PCSK5: variants seen among roughly 807,000 people sequenced by gnomAD.
PCSK5 encodes proprotein convertase subtilisin/kexin type 5, also known as prohormone convertase 5.
PCSK5 carries 129 observed loss-of-function variants against 233.2 expected under a neutral mutation model. That is an observed-to-expected ratio of 0.55 (90% CI 0.48 to 0.64). The LOEUF (loss-of-function observed/expected upper bound fraction) is 0.64, where lower values mean the gene tolerates loss of function less well. Among genes scored for constraint, PCSK5 ranks in the 30% least tolerant of loss-of-function variants. PCSK5 has a pLI of 0.00. For synonymous variants in PCSK5, 825 were observed against 879.2 expected, an observed-to-expected ratio of 0.94 and a Z score of 1.09; for missense variants, 2,076 against 2,430.1, an observed-to-expected ratio of 0.85 and a Z score of 3.06.
chr9:75,896,715 C>CAT (rs1175790522), intron 1 of PCSK5, among the ~76,000 whole-genome samples: 1 of 144,918 alleles, frequency 6.9e-6, no homozygotes, highest in Non-Finnish European at 1.6e-5. Context: ...CACACACACA[C>CAT]ATATATACAC....
chr9:76,193,402 A>C, intron 20 of PCSK5: 1 of 1,017,646 alleles, frequency 9.8e-7, no homozygotes, highest in Non-Finnish European at 1.3e-6. Context: ...ATTATTCCAT[A>C]TTATTAAAAA....
chr9:75,929,548 G>A (rs755969139), intron 1 of PCSK5, among the ~76,000 whole-genome samples: 7 of 151,944 alleles, frequency 4.6e-5, no homozygotes, highest in African/African-American at 1.7e-4. Context: ...GCTGGAGAGG[G>A]TCCACCCTCT....
At chr9:75,965,489 G>T (rs1825544600) in intron 2 of PCSK5, among the ~76,000 whole-genome samples, 1 of 152,166 alleles carries the variant, frequency 6.6e-6, no homozygotes, top group African/African-American at 2.4e-5. Flanking sequence ...GAAGACCAGT[G>T]CCCCAGCTCA....
intron 2 of PCSK5, among the ~76,000 whole-genome samples, chr9:75,936,501 C>T (rs943417428): frequency 1.3e-5 from 2 of 152,248 alleles, no homozygotes; most frequent in African/African-American, 2.4e-5. Flanking sequence ...ACAATGTTCA[C>T]AGCATCTTCA....
chr9:76,236,223 T>C (rs144385660), intron 22 of PCSK5, among the ~76,000 whole-genome samples: 2 of 152,324 alleles, frequency 1.3e-5, no homozygotes, highest in African/African-American at 2.4e-5. Flanking sequence ...TGCACCTTTC[T>C]TTTATCCTTT....
At chr9:75,980,955 A>G (rs1438547741) in intron 2 of PCSK5, among the ~76,000 whole-genome samples, 1 of 152,144 alleles carries the variant, frequency 6.6e-6, no homozygotes, top group Non-Finnish European at 1.5e-5. Context: ...AAGATGCTCT[A>G]TTTTGTTTTC....
chr9:76,024,487 G>A (rs1391667468), intron 4 of PCSK5, among the ~76,000 whole-genome samples: 1 of 152,200 alleles, frequency 6.6e-6, no homozygotes, highest in African/African-American at 2.4e-5. Context: ...TTTGATAGGA[G>A]AATAAACTGT....
At chr9:76,033,460 C>A (rs1357189104) in intron 5 of PCSK5, among the ~76,000 whole-genome samples, 1 of 152,004 alleles carries the variant, frequency 6.6e-6, no homozygotes, top group Non-Finnish European at 1.5e-5. Context: ...TGCAAAATAA[C>A]ATCTACAGTA....
At chr9:76,319,364 A>G (rs1210786972) in intron 30 of PCSK5, among the ~76,000 whole-genome samples, 1 of 149,300 alleles carries the variant, frequency 6.7e-6, no homozygotes, top group African/African-American at 2.5e-5. Context: ...GAATAGTCAT[A>G]ATACAAATTA....
chr9:76,275,338 T>C (rs573695560), intron 24 of PCSK5, among the ~76,000 whole-genome samples: 1 of 152,290 alleles, frequency 6.6e-6, no homozygotes, highest in Admixed American at 6.5e-5. Flanking sequence ...ACCCTAACTA[T>C]AATAAGAATG....
intron 24 of PCSK5, among the ~76,000 whole-genome samples, chr9:76,255,494 C>T (rs934521700): frequency 2.0e-5 from 3 of 152,048 alleles, no homozygotes; most frequent in Non-Finnish European, 2.9e-5. Flanking sequence ...CAAACATGAC[C>T]TCTAATCTTC....
intron 7 of PCSK5, among the ~76,000 whole-genome samples, chr9:76,078,414 T>C (rs917919821): frequency 2.0e-5 from 3 of 152,216 alleles, no homozygotes; most frequent in Non-Finnish European, 4.4e-5. Context: ...CTTGAGGTCT[T>C]ACATTTAAAT....
In PCSK5 at chr9:76,197,078, A is replaced by G. The variant is rs73460319; in HGVS notation, c.2626+7332A>G. The stretch of plus-strand genomic sequence containing the variant: ...AAGACAGGAAGAGAGCGGGAAGAAC[A>G]TTACCAATGAACTTGCTCCAGTTAC... On this transcript the variant is annotated intron_variant, in intron 20 of 37. Transcript: ENST00000674117. Among the ~76,000 whole-genome samples the G allele has an allele frequency of 8.5e-3, 1,301 of 152,330 alleles. 20 individuals carry two copies. Among genetic ancestry groups the G allele is most frequent in the African/African-American group, 0.03 (1,262 of 41,568 alleles).
At chr9:76,270,017 T>A (rs1000094906) in intron 24 of PCSK5, among the ~76,000 whole-genome samples, 3 of 151,906 alleles carry the variant, frequency 2.0e-5, no homozygotes, top group Non-Finnish European at 4.4e-5. Flanking sequence ...AATATTTTTT[T>A]AAAAATATGA....
chr9:76,058,459 GATAA>G (rs904805831), intron 5 of PCSK5, among the ~76,000 whole-genome samples: 13 of 152,112 alleles, frequency 8.5e-5, no homozygotes, highest in African/African-American at 2.4e-4. Context: ...GAGACAAGAG[GATAA>G]ATAAATACAC....
intron 3 of PCSK5, among the ~76,000 whole-genome samples, chr9:76,001,180 G>A (rs1341282360): frequency 2.6e-5 from 4 of 151,808 alleles, no homozygotes; most frequent in South Asian, 2.1e-4. Context: ...ATTTTATCTC[G>A]CGCTGTGTAC....
At position 76,328,125 on chromosome 9, in the gene PCSK5, G is replaced by T. The variant is rs753399140; in HGVS notation, c.4456G>T (p.Glu1486Ter). ...GGCCAACGAGAAGTGCTCACCCTCCGAGTACTGGGATGAGGATGCTCCCGG... is the reference window on the plus strand; with the variant it reads ...GGCCAACGAGAAGTGCTCACCCTCCTAGTACTGGGATGAGGATGCTCCCGG... ...CMANEKCSPS[E>*]YWDEDAPGCK... The change falls in exon 33 of 38, where the codon GAG (glutamate) becomes TAG (stop). Residue 1486 changes from glutamate (E) to a stop codon, truncating the protein, a stop_gained. Transcript: ENST00000674117. LOFTEE classifies it high-confidence loss of function. 1 of 1,612,814 alleles carries T rather than the reference G, an allele frequency of 6.2e-7. No individual in the cohort carries two copies. The highest frequency in any genetic ancestry group is 2.2e-5 in the East Asian group (1 of 44,880).
intron 5 of PCSK5, among the ~76,000 whole-genome samples, 155 bp from the exon 6 acceptor site, chr9:76,067,800 G>T (rs1248775225): frequency 6.6e-6 from 1 of 152,212 alleles, no homozygotes; most frequent in Non-Finnish European, 1.5e-5. Flanking sequence ...AGTGCTAGAA[G>T]TTTGCCATGG....
chr9:76,315,553 T>C (rs1306337034), intron 30 of PCSK5, among the ~76,000 whole-genome samples: 3 of 151,744 alleles, frequency 2.0e-5, no homozygotes, highest in South Asian at 4.2e-4. Context: ...AAAATAATTG[T>C]GAAATAAAGC....
Sources: allele counts gnomAD v4.1 joint callset (sites outside exome capture counted in the v4.1 genomes callset), GRCh38; gene constraint gnomAD v4.1.1; transcripts MANE v1.5; gene names NCBI Gene and HGNC (gene_info 2026-07-23, HGNC 2026-07-21).